Variants in CSTPP1 observed in about 807,000 individuals in gnomAD.
CSTPP1 encodes UPF0705 protein C11orf49.
chr11:47,080,563 A>C, the CSTPP1 span, among the ~76,000 whole-genome samples: 1 of 152,246 alleles, frequency 6.6e-6, no homozygotes, highest in African/African-American at 2.4e-5. Context: ...AAGAGGCATA[A>C]AAATTTTAAA....
chr11:46,956,431 T>C, the CSTPP1 span, among the ~76,000 whole-genome samples: 3 of 152,212 alleles, frequency 2.0e-5, no homozygotes, highest in South Asian at 2.1e-4. Context: ...ACATTATATT[T>C]ACACAAACTA....
the CSTPP1 span, chr11:47,157,009 C>T: frequency 5.2e-5 from 84 of 1,613,756 alleles, 1 homozygote; most frequent in Middle Eastern, 8.2e-4. Context: ...ACACCCCCAC[C>T]CCCACGGTTC....
chr11:47,040,536 T>C, the CSTPP1 span, among the ~76,000 whole-genome samples: 5 of 125,948 alleles, frequency 4.0e-5, 2 homozygotes, highest in African/African-American at 1.2e-4. Context: ...ATAAGGTTTT[T>C]TGAGGGGATT....
At chr11:46,967,919 C>A in the CSTPP1 span, among the ~76,000 whole-genome samples, 1 of 151,920 alleles carries the variant, frequency 6.6e-6, no homozygotes, top group East Asian at 1.9e-4. Context: ...GGCAGTATCT[C>A]CTCTAAAAAT....
chr11:46,978,800 C>T, the CSTPP1 span, among the ~76,000 whole-genome samples: 3 of 152,184 alleles, frequency 2.0e-5, no homozygotes, highest in Admixed American at 6.5e-5. Flanking sequence ...TCGTGCAGAG[C>T]CACATCAACC....
chr11:47,161,122 C>T, the CSTPP1 span: 1 of 1,614,128 alleles, frequency 6.2e-7, no homozygotes, highest in Non-Finnish European at 8.5e-7. Flanking sequence ...CCAATGATCT[C>T]CTAGGAGCTT....
At chr11:47,140,436 T>C in the CSTPP1 span, among the ~76,000 whole-genome samples, 1 of 152,076 alleles carries the variant, frequency 6.6e-6, no homozygotes, top group Admixed American at 6.5e-5. Flanking sequence ...TTGTTTGTTT[T>C]CTTTGAGACA....
the CSTPP1 span, among the ~76,000 whole-genome samples, chr11:47,077,349 G>A: frequency 6.6e-6 from 1 of 151,894 alleles, no homozygotes; most frequent in African/African-American, 2.4e-5. Context: ...AGAGGCACCC[G>A]CCACCACACC....
chr11:47,135,609 A>AT, the CSTPP1 span, among the ~76,000 whole-genome samples: 2 of 152,200 alleles, frequency 1.3e-5, no homozygotes, highest in East Asian at 3.8e-4. Flanking sequence ...CTCTCTCCAC[A>AT]TCCCAACACA....
the CSTPP1 span, chr11:47,051,823 C>T: frequency 6.6e-6 from 1 of 152,182 alleles, no homozygotes; most frequent in African/African-American, 2.4e-5. Flanking sequence ...TCCCGAGTAG[C>T]TGGAATGACT....
At chr11:47,149,891 C>A in the CSTPP1 span, among the ~76,000 whole-genome samples, 4 of 151,906 alleles carry the variant, frequency 2.6e-5, no homozygotes, top group Admixed American at 1.3e-4. Flanking sequence ...TCTGCTTGAA[C>A]ATTTCTGGCA....
the CSTPP1 span, chr11:47,042,034 CA>C: frequency 3.2e-4 from 54 of 167,546 alleles, 7 homozygotes; most frequent in South Asian, 7.0e-4. Context: ...CCCATCTCTA[CA>C]AAAAAAAATT....
chr11:47,026,630 C>T, the CSTPP1 span, among the ~76,000 whole-genome samples: 1 of 152,182 alleles, frequency 6.6e-6, no homozygotes, highest in Non-Finnish European at 1.5e-5. Context: ...GTAATCCCAG[C>T]TCTTTGGGAG....
chr11:47,004,040 G>T, the CSTPP1 span, among the ~76,000 whole-genome samples: 15 of 152,018 alleles, frequency 9.9e-5, no homozygotes, highest in Non-Finnish European at 1.2e-4. Flanking sequence ...TGGGATTTTT[G>T]TATCTCTGTG....
the CSTPP1 span, among the ~76,000 whole-genome samples, chr11:47,062,456 T>G: frequency 1.3e-5 from 2 of 152,212 alleles, no homozygotes; most frequent in Non-Finnish European, 2.9e-5. Context: ...ACTTCTGATT[T>G]AAATTAATAA....
At chr11:46,985,869 C>G in the CSTPP1 span, among the ~76,000 whole-genome samples, 27 of 152,256 alleles carry the variant, frequency 1.8e-4, no homozygotes, top group African/African-American at 6.3e-4. Context: ...GGTCACATAA[C>G]TAGGAAGTGG....
the CSTPP1 span, among the ~76,000 whole-genome samples, chr11:46,999,631 T>A: frequency 6.6e-6 from 1 of 152,216 alleles, no homozygotes; most frequent in African/African-American, 2.4e-5. Flanking sequence ...CATTTAAATG[T>A]TTAATATGGC....
the CSTPP1 span, among the ~76,000 whole-genome samples, chr11:46,961,093 C>T: frequency 7.9e-5 from 12 of 152,054 alleles, no homozygotes; most frequent in Admixed American, 1.3e-4. Context: ...TATACCTAGG[C>T]GTGGAATTTC....
chr11:47,039,422 C>CG, the CSTPP1 span, among the ~76,000 whole-genome samples: 1 of 127,290 alleles, frequency 7.9e-6, no homozygotes, highest in Non-Finnish European at 1.9e-5. Flanking sequence ...GCAGCAGTAC[C>CG]GTCCAGCTTC....
Sources: gnomAD v4.1 joint callset for allele counts (sites outside exome capture counted in the v4.1 genomes callset) on GRCh38, gnomAD v4.1.1 for gene constraint, MANE v1.5 for transcripts, NCBI Gene and HGNC (gene_info 2026-07-23, HGNC 2026-07-21) for gene names.